Variants in CDH13 observed in about 807,000 individuals in gnomAD.
CDH13 encodes cadherin-13.
CDH13 carries 24 observed loss-of-function variants against 63.8 expected under a neutral mutation model. The ratio of observed to expected loss-of-function variants is 0.38; its 90% CI spans 0.27 to 0.53. CDH13 has a LOEUF of 0.53. Among genes scored for constraint, CDH13 ranks in the 20% least tolerant of loss-of-function variants. The probability of loss-of-function intolerance (pLI) is 0.85; values close to 1 mark genes in which losing one functional copy is unlikely to be tolerated. For missense variants in CDH13, 1,049 were observed against 903.1 expected, an observed-to-expected ratio of 1.16 and a Z score of -2.07; for synonymous variants, 503 against 355.3, an observed-to-expected ratio of 1.42 and a Z score of -4.67.
intron 1 of CDH13, among the ~76,000 whole-genome samples, chr16:82,839,942 G>T (rs1290099448): frequency 6.6e-6 from 1 of 152,116 alleles, no homozygotes; most frequent in Non-Finnish European, 1.5e-5. Flanking sequence ...AATCCAGCTT[G>T]GGTTGAAAAT....
At chr16:82,682,115 C>T (rs1055149163) in intron 1 of CDH13, among the ~76,000 whole-genome samples, 15 of 152,206 alleles carry the variant, frequency 9.9e-5, no homozygotes, top group Admixed American at 9.8e-4. Flanking sequence ...TATGAGAAGA[C>T]ACTGGCTTGT....
chr16:83,514,995 T>C (rs1424361372), intron 7 of CDH13, among the ~76,000 whole-genome samples: 3 of 152,138 alleles, frequency 2.0e-5, no homozygotes, highest in East Asian at 1.9e-4. Flanking sequence ...GACTGAAAGA[T>C]CATGTCTTAC....
intron 5 of CDH13, among the ~76,000 whole-genome samples, chr16:83,289,178 CTGCATATGAATG>C (rs1402039544): frequency 6.6e-6 from 1 of 151,496 alleles, no homozygotes; most frequent in East Asian, 1.9e-4. Flanking sequence ...AATTCACTGT[CTGCATATGAATG>C]TGCGTGAACT....
intron 1 of CDH13, among the ~76,000 whole-genome samples, chr16:82,675,647 A>G (rs535047329): frequency 1.7e-4 from 26 of 152,330 alleles, no homozygotes; most frequent in African/African-American, 5.8e-4. Flanking sequence ...GGAGGCCACC[A>G]AACCTGCTGG....
chr16:83,282,321 G>A (rs553114005), intron 5 of CDH13, among the ~76,000 whole-genome samples: 12 of 152,274 alleles, frequency 7.9e-5, no homozygotes, highest in African/African-American at 2.6e-4. Context: ...CACAAAGTGA[G>A]AATATGTTGA....
In CDH13 at chr16:83,486,455, C is replaced by T. The variant is rs558849852; in HGVS notation, c.782-22C>T. ...TTGACCCATTGATAACCATTCCGTGCCTTTCTGTCTTGCCCCGGTAGGCAC... is the reference window on the plus strand; with the variant it reads ...TTGACCCATTGATAACCATTCCGTGTCTTTCTGTCTTGCCCCGGTAGGCAC... On this transcript the variant is annotated intron_variant, in intron 6 of 13. Transcript: ENST00000567109. The T allele has an allele frequency of 2.9e-5, 47 of 1,602,844 alleles. 1 individual carries two copies. In the South Asian group the frequency reaches 4.8e-4, roughly 16 times the overall value.
At chr16:83,241,149 A>G (rs900133646) in intron 5 of CDH13, among the ~76,000 whole-genome samples, 62 of 152,302 alleles carry the variant, frequency 4.1e-4, no homozygotes, top group African/African-American at 1.4e-3. Context: ...ATGTAGTCTC[A>G]TATGACAGGA....
chr16:83,732,746 T>C (rs147409747), intron 10 of CDH13, among the ~76,000 whole-genome samples: 112 of 152,274 alleles, frequency 7.4e-4, no homozygotes, highest in African/African-American at 2.6e-3. Context: ...TTGACACCCC[T>C]GACCTCACCA....
chr16:83,409,160 G>T (rs2092090355), intron 6 of CDH13, among the ~76,000 whole-genome samples: 1 of 152,136 alleles, frequency 6.6e-6, no homozygotes, highest in African/African-American at 2.4e-5. Context: ...TAACCAGCCA[G>T]CTGCTTTCAT....
At chr16:83,128,452 G>T (rs1456421043) in intron 4 of CDH13, among the ~76,000 whole-genome samples, 1 of 152,114 alleles carries the variant, frequency 6.6e-6, no homozygotes, top group African/African-American at 2.4e-5. Context: ...ATTTACAGAG[G>T]GCTGACCTGA....
chr16:82,766,394 G>A (rs2035054743), intron 1 of CDH13, among the ~76,000 whole-genome samples: 1 of 152,184 alleles, frequency 6.6e-6, no homozygotes, highest in East Asian at 1.9e-4. Context: ...TGAGGTTGGG[G>A]AATATTCTAC....
At chr16:83,473,001 T>A (rs114008847) in intron 6 of CDH13, among the ~76,000 whole-genome samples, 3,814 of 152,224 alleles carry the variant, frequency 0.025, 167 homozygotes, top group African/African-American at 0.086. Context: ...ACTCTCCAGT[T>A]CCATGGGGGC....
chr16:83,394,947 A>G (rs1446350991), intron 6 of CDH13, among the ~76,000 whole-genome samples: 1 of 152,076 alleles, frequency 6.6e-6, no homozygotes, highest in Non-Finnish European at 1.5e-5. Context: ...CAGGTGTTTG[A>G]AACCAGCCTG....
At chr16:82,882,582 G>T (rs768480578) in intron 2 of CDH13, among the ~76,000 whole-genome samples, 1 of 152,122 alleles carries the variant, frequency 6.6e-6, no homozygotes. Flanking sequence ...TATGTAGAGG[G>T]ACTAAGGGTG....
In CDH13 at chr16:83,250,857, G is replaced by A. The variant is rs573091948; in HGVS notation, c.636+33360G>A. On this transcript the variant is annotated intron_variant, in intron 5 of 13. Transcript: ENST00000567109. ...ACTCTTTCTTTCTTCAAGTGATATG[G>A]GAGTGACTTAAATTCTTTGTTGCAA... Among the ~76,000 whole-genome samples, 544 of 152,246 alleles carry A rather than the reference G, an allele frequency of 3.6e-3. 2 individuals are homozygous for A. The highest frequency in any genetic ancestry group is 0.012 in the African/African-American group (518 of 41,520).
intron 1 of CDH13, among the ~76,000 whole-genome samples, chr16:82,674,638 A>G (rs1567614425): frequency 6.6e-6 from 1 of 152,214 alleles, no homozygotes; most frequent in Non-Finnish European, 1.5e-5. Flanking sequence ...GATGGTGGAT[A>G]TTTAAATATG....
chr16:83,237,183 G>T (rs1038893317), intron 5 of CDH13, among the ~76,000 whole-genome samples: 1 of 152,166 alleles, frequency 6.6e-6, no homozygotes, highest in Non-Finnish European at 1.5e-5. Flanking sequence ...CACAAGAGAG[G>T]CCCTCAAGAG....
chr16:83,665,440 A>G (rs965640708), intron 8 of CDH13, among the ~76,000 whole-genome samples: 2 of 152,216 alleles, frequency 1.3e-5, no homozygotes, highest in African/African-American at 4.8e-5. Flanking sequence ...GTTGCTACCC[A>G]TTAGACTATT....
intron 1 of CDH13, among the ~76,000 whole-genome samples, chr16:82,771,723 T>C (rs1200802068): frequency 4.6e-5 from 7 of 152,202 alleles, no homozygotes; most frequent in Admixed American, 3.9e-4. Context: ...TGAGAATTTG[T>C]GTTAAAGTGA....
Sources: gnomAD v4.1 joint callset for allele counts (sites outside exome capture counted in the v4.1 genomes callset) on GRCh38, gnomAD v4.1.1 for gene constraint, MANE v1.5 for transcripts, NCBI Gene and HGNC (gene_info 2026-07-23, HGNC 2026-07-21) for gene names.